Variants in HS3ST1 observed in about 807,000 individuals in gnomAD.
The protein encoded by HS3ST1 is heparan sulfate-glucosamine 3-sulfotransferase 1, also known as heparan sulfate glucosamine 3-O-sulfotransferase 1.
Under a neutral mutation model 20.7 loss-of-function variants are expected in HS3ST1, and 8 were observed. The ratio of observed to expected loss-of-function variants is 0.39; its 90% confidence interval spans 0.23 to 0.70. The LOEUF is 0.70. Ranked by LOEUF, HS3ST1 falls within the 30% of genes least tolerant of loss-of-function variation. The pLI is 0.46. For synonymous variants in HS3ST1, 205 were observed against 190.4 expected (o/e 1.08, Z -0.63); for missense variants, 436 against 423.4 (o/e 1.03, Z -0.26).
intron 1 of HS3ST1, among the ~76,000 whole-genome samples, chr4:11,421,507 A>T (rs1426153589): frequency 6.6e-6 from 1 of 152,168 alleles, no homozygotes; most frequent in Non-Finnish European, 1.5e-5. Context: ...CTTGCTTTTC[A>T]TTTCAGCTGC....
rs147264819 is a variant in HS3ST1 at position 11,400,947 on chromosome 4, A to T, written c.-108-834T>A. ...CATGGTCCCAGAGGGAGGATGAAAG[A>T]CACACAGAGCCATCCCAGCTCATGA... On this transcript the variant is annotated intron_variant, in intron 1 of 1. Coordinates refer to ENST00000002596, the MANE Select transcript of HS3ST1 (RefSeq NM_005114.4). Among the ~76,000 whole-genome samples, 6 of 152,334 alleles carry T rather than the reference A, an allele frequency of 3.9e-5. No individual in the cohort carries two copies. The East Asian group carries it at 9.7e-4, about 25-fold the overall frequency.
chr4:11,400,583 G>A (rs763997121), intron 1 of HS3ST1, among the ~76,000 whole-genome samples: 4 of 152,178 alleles, frequency 2.6e-5, no homozygotes, highest in Non-Finnish European at 5.9e-5. Context: ...GGAAAGGGTT[G>A]GGAAGACCCT....
chr4:11,428,193 T>A (rs1360657194), intron 1 of HS3ST1, among the ~76,000 whole-genome samples: 1 of 152,188 alleles, frequency 6.6e-6, no homozygotes, highest in Non-Finnish European at 1.5e-5. Flanking sequence ...GATGCCTATC[T>A]CCAACCAAAT....
At chr4:11,408,936 T>C (rs1025334685) in intron 1 of HS3ST1, among the ~76,000 whole-genome samples, 7 of 152,246 alleles carry the variant, frequency 4.6e-5, no homozygotes, top group Non-Finnish European at 5.9e-5. Context: ...TCTGTCACCC[T>C]GCAGATGGTG....
rs1365388444 is a variant in HS3ST1 at position 11,403,964 on chromosome 4, A to G, written c.-108-3851T>C. On this transcript the variant is annotated intron_variant, in intron 1 of 1. Coordinates refer to ENST00000002596, the MANE Select transcript of HS3ST1 (RefSeq NM_005114.4). ...CCAATATAAATATATTGTGTATAACATATGCATTCAGACATTTTAAAACAT... is the reference window on the plus strand; with the variant it reads ...CCAATATAAATATATTGTGTATAACGTATGCATTCAGACATTTTAAAACAT... Among the ~76,000 whole-genome samples the G allele has an allele frequency of 2.0e-5, 3 of 152,374 alleles. No individual in the cohort carries two copies. In the South Asian group the frequency reaches 6.2e-4, roughly 32 times the overall value.
At position 11,393,871 on chromosome 4, in the gene HS3ST1, C is replaced by A. The variant is rs555609957; in HGVS notation, c.*5211G>T. 1 of 152,338 alleles carries A rather than the reference C, an allele frequency of 6.6e-6. No individual in the cohort carries two copies. The highest frequency in any genetic ancestry group is 1.9e-4 in the East Asian group (1 of 5,176). The allele number at this position is 152,338 out of a possible 1,614,324, so 9.4% of individuals were successfully genotyped here. A position where few individuals can be genotyped will look rare whatever the true frequency, so the allele number is the denominator to read the frequency against. ...CAGGCATCTTCAGGTAAGAAAACTC[C>A]TGCCAACTAAGAGAAATCCTTCAGA... is the stretch of plus-strand genomic sequence containing the variant. On this transcript the variant is annotated 3_prime_UTR_variant, in exon 2 of 2. Transcript: ENST00000002596.
In HS3ST1 at chr4:11,398,690, T is replaced by G. The variant is rs770420479; in HGVS notation, c.*392A>C. 1 of 157,060 alleles carries G rather than the reference T, an allele frequency of 6.4e-6. No individual in the cohort carries two copies. The highest frequency in any genetic ancestry group is 1.4e-5 in the Non-Finnish European group (1 of 71,660). 9.7% of individuals were successfully genotyped at this position (157,060 alleles called of 1,614,324 possible). A position where few individuals can be genotyped will look rare whatever the true frequency, so the allele number is the denominator to read the frequency against. On this transcript the variant is annotated 3_prime_UTR_variant, in exon 2 of 2. Coordinates refer to ENST00000002596, the MANE Select transcript of HS3ST1 (RefSeq NM_005114.4). The stretch of plus-strand genomic sequence containing the variant: ...AGGATTGTAATAGCCATGAAAAACA[T>G]GTTTTTTTAAGTAACAAAAGAATTT...
chr4:11,427,551 A>C (rs972183357), intron 1 of HS3ST1, among the ~76,000 whole-genome samples: 3 of 152,190 alleles, frequency 2.0e-5, no homozygotes, highest in African/African-American at 7.2e-5. Flanking sequence ...TTGTAGATAA[A>C]AATAGCTCAT....
At chr4:11,405,720 C>T (rs182394977) in intron 1 of HS3ST1, among the ~76,000 whole-genome samples, 7 of 152,054 alleles carry the variant, frequency 4.6e-5, no homozygotes, top group Admixed American at 2.6e-4. Flanking sequence ...CATTTCTAAT[C>T]GTGATTGGGC....
chr4:11,429,728 T>G (rs1719167970), upstream of HS3ST1: 1 of 140,120 alleles, frequency 7.1e-6, no homozygotes, highest in African/African-American at 2.7e-5. Flanking sequence ...GCAGGATATT[T>G]CTGCCCCGCT....
At chr4:11,416,270 G>A (rs949816437) in intron 1 of HS3ST1, among the ~76,000 whole-genome samples, 4 of 151,978 alleles carry the variant, frequency 2.6e-5, no homozygotes, top group Admixed American at 1.3e-4. Flanking sequence ...ATGACCAAAT[G>A]CCCCTCCTTT....
rs77543524 is a variant in HS3ST1 at position 11,401,345 on chromosome 4, G to A, written c.-108-1232C>T. ...GTAGGAAGGCAAGGCAGATGTCACC[G>A]CCATTTTTTTTTTTTTTTTATGGAG... On this transcript the variant is annotated intron_variant, in intron 1 of 1. Coordinates refer to ENST00000002596, the MANE Select transcript of HS3ST1 (RefSeq NM_005114.4). 5.7e-5 allele frequency among the ~76,000 whole-genome samples: 7 copies of A among 122,074 alleles called. No homozygotes were observed. In the East Asian group the frequency reaches 1.2e-3, roughly 21 times the overall value. 80.1% of individuals were successfully genotyped at this position (122,074 alleles called of 152,430 possible).
At chr4:11,434,109 T>G (rs1711530942), upstream of HS3ST1, among the ~76,000 whole-genome samples, 1 of 152,224 alleles carries the variant, frequency 6.6e-6, no homozygotes, top group Non-Finnish European at 1.5e-5. Context: ...AAAATAGCAC[T>G]AATGCCACAA....
upstream of HS3ST1, among the ~76,000 whole-genome samples, chr4:11,430,277 G>T (rs1005787376): frequency 6.8e-6 from 1 of 147,818 alleles, no homozygotes. Context: ...TCAGAATAAT[G>T]TTGGCATGTC....
intron 1 of HS3ST1, among the ~76,000 whole-genome samples, chr4:11,406,160 G>C (rs151154995): frequency 1.3e-5 from 2 of 152,292 alleles, no homozygotes; most frequent in East Asian, 3.9e-4. Context: ...GCACTCACTG[G>C]GTGCCAGGTG....
chr4:11,408,282 G>A (rs965828888), intron 1 of HS3ST1, among the ~76,000 whole-genome samples: 1 of 152,080 alleles, frequency 6.6e-6, no homozygotes, highest in Admixed American at 6.5e-5. Flanking sequence ...CATGCTTAGG[G>A]CATTGCCATA....
chr4:11,422,962 G>GCAGTGAGCTGGGATCACGCCACTGCACTC (rs1336601873), intron 1 of HS3ST1, among the ~76,000 whole-genome samples: 1 of 140,636 alleles, frequency 7.1e-6, no homozygotes, highest in Admixed American at 7.8e-5. Flanking sequence ...GGCAGAGGTT[G>GCAGTGAGCTGGGATCACGCCACTGCACTC]CAGTGAGCTG....
rs1256931383 is a variant in HS3ST1, at chr4:11,395,483, T to TC, written c.*3598_*3599insG. 1 of 139,690 alleles carries TC rather than the reference T, an allele frequency of 7.2e-6. No individual in the cohort carries two copies. Among genetic ancestry groups the TC allele is most frequent in the Non-Finnish European group, 1.6e-5 (1 of 64,212 alleles). 8.7% of individuals were successfully genotyped at this position (139,690 alleles called of 1,614,324 possible). On this transcript the variant is annotated 3_prime_UTR_variant, in exon 2 of 2. Coordinates refer to ENST00000002596, the MANE Select transcript of HS3ST1 (RefSeq NM_005114.4). ...TTATTATTAATTTATCTTTTTTTTT[T>TC]TTTTTTTTTTTTGAGATGGAGTCTT...
At chr4:11,429,607 G>T (rs1287261999), upstream of HS3ST1, 1 of 140,376 alleles carries the variant, frequency 7.1e-6, no homozygotes. Context: ...GTCGGAGAGC[G>T]GACGCCAATT....
Sources: gnomAD v4.1 joint callset for allele counts (sites outside exome capture counted in the v4.1 genomes callset) on GRCh38, gnomAD v4.1.1 for gene constraint, MANE v1.5 for transcripts, NCBI Gene and HGNC (gene_info 2026-07-23, HGNC 2026-07-21) for gene names.